SHTN1: variants seen among roughly 807,000 people sequenced by gnomAD.
The protein encoded by SHTN1 is shootin 1.
SHTN1 carries 42 observed loss-of-function variants against 83.1 expected under a neutral mutation model. That is an observed-to-expected ratio of 0.51 (90% CI 0.39 to 0.65). The LOEUF is 0.65. Among genes scored for constraint, SHTN1 ranks in the 30% least tolerant of loss-of-function variants. The probability of loss-of-function intolerance (pLI) is 0.00; values close to 1 mark genes in which losing one functional copy is unlikely to be tolerated. For missense variants in SHTN1, 622 were observed against 737.8 expected, an observed-to-expected ratio of 0.84 and a Z score of 1.82; for synonymous variants, 224 against 247.7, an observed-to-expected ratio of 0.90 and a Z score of 0.90.
At position 117,004,177 on chromosome 10, in the gene SHTN1, G is replaced by A. The variant is rs185309273; in HGVS notation, c.58+845C>T. Reference sequence around the variant, plus strand: ...GCTGAGATTACAGGCGTGAGCCACCGCACCCGGCTGGTTCCTCCCTGTCTT... The same window carrying A: ...GCTGAGATTACAGGCGTGAGCCACCACACCCGGCTGGTTCCTCCCTGTCTT... On this transcript the variant is annotated intron_variant, in intron 1 of 16. Transcript: ENST00000355371. Among the ~76,000 whole-genome samples, 63 of 152,208 alleles carry A rather than the reference G, an allele frequency of 4.1e-4. No homozygotes were observed. The Middle Eastern group carries it at 0.014, about 33-fold the overall frequency.
At chr10:117,057,223 G>C (rs1306465705) in intron 1 of SHTN1, among the ~76,000 whole-genome samples, 2 of 152,170 alleles carry the variant, frequency 1.3e-5, no homozygotes, top group African/African-American at 2.4e-5. Context: ...GCAGCTTCCA[G>C]AGGAAGACTT....
At chr10:116,895,703 T>C (rs1847493756) in intron 16 of SHTN1, among the ~76,000 whole-genome samples, 1 of 152,214 alleles carries the variant, frequency 6.6e-6, no homozygotes, top group African/African-American at 2.4e-5. Context: ...CCTTAAGCTC[T>C]TAAGACACTA....
intron 11 of SHTN1, among the ~76,000 whole-genome samples, chr10:116,923,474 A>G (rs1431129086): frequency 6.6e-6 from 1 of 152,214 alleles, no homozygotes; most frequent in Non-Finnish European, 1.5e-5. Context: ...AAAAAGGCAT[A>G]ACATTGCCCT....
intron 1 of SHTN1, among the ~76,000 whole-genome samples, chr10:117,119,022 A>G (rs1005152759): frequency 2.6e-5 from 4 of 152,344 alleles, no homozygotes; most frequent in South Asian, 4.1e-4. Context: ...AAATCCTGTC[A>G]TTTGCAGCAC....
chr10:117,065,747 A>C (rs1303926415), intron 1 of SHTN1, among the ~76,000 whole-genome samples: 4 of 16,418 alleles, frequency 2.4e-4, no homozygotes, highest in Admixed American at 5.3e-4. Context: ...AAAGAAAGAA[A>C]GAAAGAAAGA....
chr10:117,052,569 A>G (rs1852761971), intron 1 of SHTN1, among the ~76,000 whole-genome samples: 1 of 152,194 alleles, frequency 6.6e-6, no homozygotes, highest in Admixed American at 6.5e-5. Context: ...AAACTGGTAT[A>G]AGGATGGATA....
At chr10:117,060,983 T>A (rs1018936410) in intron 1 of SHTN1, among the ~76,000 whole-genome samples, 5 of 152,202 alleles carry the variant, frequency 3.3e-5, no homozygotes, top group African/African-American at 1.2e-4. Flanking sequence ...CAATTAATGC[T>A]GAACTAGTAT....
At chr10:117,050,553 C>T (rs540968786) in intron 1 of SHTN1, among the ~76,000 whole-genome samples, 41 of 151,804 alleles carry the variant, frequency 2.7e-4, no homozygotes, top group Non-Finnish European at 4.7e-4. Context: ...CAAACCAAAC[C>T]CAAAGTTAGA....
intron 1 of SHTN1, among the ~76,000 whole-genome samples, chr10:117,085,669 T>C (rs894471700): frequency 2.0e-5 from 3 of 152,226 alleles, no homozygotes; most frequent in Admixed American, 6.5e-5. Flanking sequence ...ACTATGTCTT[T>C]ATTGATTTTC....
intron 16 of SHTN1, among the ~76,000 whole-genome samples, chr10:116,888,809 G>C (rs1229061183): frequency 1.3e-5 from 2 of 152,228 alleles, no homozygotes; most frequent in African/African-American, 2.4e-5. Context: ...ATTTTTTTAA[G>C]ACAACTACTT....
intron 1 of SHTN1, among the ~76,000 whole-genome samples, chr10:117,001,898 AG>A (rs1377728516): frequency 2.0e-5 from 3 of 152,198 alleles, no homozygotes; most frequent in African/African-American, 7.2e-5. Flanking sequence ...AAAATCACTA[AG>A]GAAGGACCCA....
chr10:116,989,319 T>G (rs1191178578), intron 1 of SHTN1, among the ~76,000 whole-genome samples: 1 of 152,218 alleles, frequency 6.6e-6, no homozygotes, highest in Non-Finnish European at 1.5e-5. Flanking sequence ...TTTTACATAA[T>G]GACCTTTTCT....
Position 116,927,776 on chromosome 10 carries a change from T to A in SHTN1, c.1112+16A>T, listed in dbSNP as rs776413979. Reference sequence around the variant, plus strand: ...AAGAACATTTGATGCAGAGCAGTCTTCCTGGATGTGCTTACCGGATAGGAT... The same window carrying A: ...AAGAACATTTGATGCAGAGCAGTCTACCTGGATGTGCTTACCGGATAGGAT... On this transcript the variant is annotated intron_variant, in intron 11 of 16. Transcript: ENST00000355371. 2 of 1,544,630 alleles carry A rather than the reference T, an allele frequency of 1.3e-6. No individual in the cohort carries two copies. The highest frequency in any genetic ancestry group is 4.1e-5 in the Admixed American group (2 of 48,790).
At chr10:117,032,106 T>C (rs191534434) in intron 2 of SHTN1, among the ~76,000 whole-genome samples, 1 of 152,290 alleles carries the variant, frequency 6.6e-6, no homozygotes, top group African/African-American at 2.4e-5. Flanking sequence ...TAGCTATACT[T>C]ACATCATGCA....
chr10:117,109,081 A>C (rs1235931312), intron 1 of SHTN1, among the ~76,000 whole-genome samples: 1 of 152,194 alleles, frequency 6.6e-6, no homozygotes, highest in East Asian at 1.9e-4. Context: ...AAGTTTAAGA[A>C]CCACTGCTCT....
Position 116,881,893 on chromosome 10 carries a change from TTGTC to T in SHTN1, c.*4447_*4450del. 2.5e-6 allele frequency: 1 copy of T among 393,486 alleles called. No individual in the cohort carries two copies. The highest frequency in any genetic ancestry group is 4.5e-5 in the Admixed American group (1 of 22,222). 24.4% of individuals were successfully genotyped at this position (393,486 alleles called of 1,614,324 possible). A position where few individuals can be genotyped will look rare whatever the true frequency, so the allele number is the denominator to read the frequency against. On this transcript the variant is annotated 3_prime_UTR_variant, in exon 17 of 17. Transcript: ENST00000355371. ...CACCACACTTCCATGTGGATTTTGTTTGTCTATTAGCTCTCCTGTCCATTTTTCA... is the reference window on the plus strand; with the variant it reads ...CACCACACTTCCATGTGGATTTTGTTTATTAGCTCTCCTGTCCATTTTTCA...
chr10:116,912,834 G>T (rs772624018), intron 13 of SHTN1, among the ~76,000 whole-genome samples: 1 of 152,040 alleles, frequency 6.6e-6, no homozygotes, highest in Non-Finnish European at 1.5e-5. Flanking sequence ...TCAAAAAAAT[G>T]AGAGTTAATT....
chr10:117,008,823 T>C (rs146622418), upstream of SHTN1, among the ~76,000 whole-genome samples: 569 of 152,288 alleles, frequency 3.7e-3, 6 homozygotes, highest in African/African-American at 0.013. Context: ...TACTCAAAAC[T>C]ATAGAATTGG....
intron 1 of SHTN1, among the ~76,000 whole-genome samples, chr10:117,111,913 C>G (rs1238075347): frequency 1.3e-5 from 2 of 152,216 alleles, no homozygotes; most frequent in African/African-American, 4.8e-5. Context: ...TGGGAAGACC[C>G]AAACCAAGTT....
Sources: allele counts gnomAD v4.1 joint callset (sites outside exome capture counted in the v4.1 genomes callset), GRCh38; gene constraint gnomAD v4.1.1; transcripts MANE v1.5; gene names NCBI Gene and HGNC (gene_info 2026-07-23, HGNC 2026-07-21).